The following LRRC69 variants were observed in gnomAD, a reference collection of about 807,000 sequenced individuals.
LRRC69 encodes leucine-rich repeat-containing protein 69.
Under a neutral mutation model 37.8 loss-of-function variants are expected in LRRC69, and 42 were observed. The observed-to-expected ratio is 1.11, with a 90% CI of 0.87 to 1.44. The LOEUF (loss-of-function observed/expected upper bound fraction) is 1.44. LRRC69 is among the 40% of genes most tolerant of loss of function. LRRC69 has a pLI of 0.00. For missense variants in LRRC69, 357 were observed against 401.9 expected (o/e 0.89, Z 0.96); for synonymous variants, 141 against 143.1 (o/e 0.99, Z 0.11).
chr8:91,195,148 G>A (rs1221452247), intron 6 of LRRC69, among the ~76,000 whole-genome samples: 1 of 152,138 alleles, frequency 6.6e-6, no homozygotes, highest in African/African-American at 2.4e-5. Flanking sequence ...ATGTAGTTGA[G>A]CGGTTTTGAG....
At chr8:91,114,604 A>C (rs1459706743) in intron 1 of LRRC69, among the ~76,000 whole-genome samples, 1 of 152,064 alleles carries the variant, frequency 6.6e-6, no homozygotes, top group African/African-American at 2.4e-5. Context: ...TGATACACAA[A>C]TACTTACCAT....
At chr8:91,126,216 G>C (rs1563597090) in intron 2 of LRRC69, among the ~76,000 whole-genome samples, 1 of 152,028 alleles carries the variant, frequency 6.6e-6, no homozygotes, top group Non-Finnish European at 1.5e-5. Flanking sequence ...ATCAGGGCTG[G>C]AGTTGGGTCC....
chr8:91,176,669 T>C (rs930421979), intron 5 of LRRC69, among the ~76,000 whole-genome samples: 1 of 152,220 alleles, frequency 6.6e-6, no homozygotes, highest in Non-Finnish European at 1.5e-5. Flanking sequence ...GGAGAGCTGA[T>C]GGCATAAGCC....
At chr8:91,195,040 T>G (rs1486242548) in intron 6 of LRRC69, among the ~76,000 whole-genome samples, 1 of 152,258 alleles carries the variant, frequency 6.6e-6, no homozygotes, top group Non-Finnish European at 1.5e-5. Flanking sequence ...TCTGGTATGT[T>G]GTGTCTTTGT....
Position 91,182,926 on chromosome 8 carries a change from G to A in LRRC69, c.652-6596G>A, listed in dbSNP as rs1220547152. Among the ~76,000 whole-genome samples the A allele has an allele frequency of 2.6e-5, 4 of 152,210 alleles. No individual in the cohort carries two copies. In the East Asian group the frequency reaches 7.7e-4, roughly 29 times the overall value. ...ATAGACAACAGGAGCCTGACTAAGT[G>A]AGTAAACTAGGGAAGGCTTCCTGGA... On this transcript the variant is annotated intron_variant, in intron 5 of 7. Transcript: ENST00000448384.
chr8:91,106,962 A>AG (rs1371290236), intron 1 of LRRC69, among the ~76,000 whole-genome samples: 1 of 147,502 alleles, frequency 6.8e-6, no homozygotes, highest in Non-Finnish European at 1.5e-5. Context: ...CTGGCTAATT[A>AG]AAAAAATTTT....
intron 5 of LRRC69, chr8:91,139,189 A>G (rs1224774879): frequency 6.6e-6 from 1 of 151,764 alleles, no homozygotes; most frequent in African/African-American, 2.4e-5. Context: ...AAATTTTGTA[A>G]GTTGTACAAC....
chr8:91,147,941 T>C (rs1808652863), intron 5 of LRRC69, among the ~76,000 whole-genome samples: 1 of 151,696 alleles, frequency 6.6e-6, no homozygotes, highest in African/African-American at 2.4e-5. Context: ...CTCCCACATA[T>C]GAGTGAGAAC....
chr8:91,126,242 A>G (rs2130504960), intron 2 of LRRC69, among the ~76,000 whole-genome samples: 1 of 152,122 alleles, frequency 6.6e-6, no homozygotes, highest in South Asian at 2.1e-4. Flanking sequence ...TAAGCTTGTC[A>G]TATTTTCTCT....
At position 91,155,116 on chromosome 8, in the gene LRRC69, C is replaced by T. The variant is rs140783758; in HGVS notation, c.651+19377C>T. On this transcript the variant is annotated intron_variant, in intron 5 of 7. Coordinates refer to ENST00000448384, the Ensembl canonical transcript of LRRC69. ...GAGAGCCAAATCATGAATGAACTTC[C>T]ATTCACAATTGCTACAAAGAGATTA... 5.4e-3 allele frequency among the ~76,000 whole-genome samples: 819 copies of T among 151,494 alleles called. 12 individuals are homozygous for T. Among genetic ancestry groups the T allele is most frequent in the African/African-American group, 0.019 (794 of 41,416 alleles).
At chr8:91,150,091 G>A (rs372345264) in intron 5 of LRRC69, among the ~76,000 whole-genome samples, 16 of 151,972 alleles carry the variant, frequency 1.1e-4, no homozygotes, top group South Asian at 2.1e-4. Context: ...TCTCCTGCCT[G>A]ATTGCCCTGG....
chr8:91,211,739 G>A (rs1809929534), intron 7 of LRRC69, among the ~76,000 whole-genome samples: 1 of 151,420 alleles, frequency 6.6e-6, no homozygotes, highest in Non-Finnish European at 1.5e-5. Context: ...ACTTTATCAG[G>A]AAGGGAGAAC....
At chr8:91,192,881 T>C (rs1809525264) in intron 6 of LRRC69, among the ~76,000 whole-genome samples, 1 of 151,872 alleles carries the variant, frequency 6.6e-6, no homozygotes, top group African/African-American at 2.4e-5. Context: ...TTGGCTTTTG[T>C]TGCCATTGCT....
intron 5 of LRRC69, among the ~76,000 whole-genome samples, chr8:91,172,059 A>G (rs1276558248): frequency 6.6e-6 from 1 of 151,936 alleles, no homozygotes; most frequent in African/African-American, 2.4e-5. Flanking sequence ...TATCTTTTAC[A>G]TTTTATTGTA....
At chr8:91,188,721 C>G (rs1429837861) in intron 5 of LRRC69, among the ~76,000 whole-genome samples, 1 of 152,080 alleles carries the variant, frequency 6.6e-6, no homozygotes, top group African/African-American at 2.4e-5. Context: ...CTTTTCTCTT[C>G]TTATTCTCTT....
chr8:91,108,809 C>G (rs1465648605), intron 1 of LRRC69, among the ~76,000 whole-genome samples: 1 of 151,908 alleles, frequency 6.6e-6, no homozygotes, highest in Non-Finnish European at 1.5e-5. Flanking sequence ...AATTCTTCTT[C>G]CAATGTGGCC....
exon 5 of LRRC69, chr8:91,135,668 G>C: frequency 6.9e-7 from 1 of 1,452,660 alleles, no homozygotes; most frequent in Non-Finnish European, 9.1e-7. Context: ...TCTGACACAG[G>C]AACTTTGTGA....
chr8:91,143,934 A>G (rs1808573131), intron 5 of LRRC69, among the ~76,000 whole-genome samples: 1 of 151,920 alleles, frequency 6.6e-6, no homozygotes, highest in Non-Finnish European at 1.5e-5. Flanking sequence ...AGGTAACTCC[A>G]TTACTCTATG....
intron 5 of LRRC69, among the ~76,000 whole-genome samples, chr8:91,152,936 T>C (rs961766729): frequency 5.3e-5 from 8 of 151,222 alleles, no homozygotes; most frequent in African/African-American, 1.9e-4. Flanking sequence ...ACTGACAAAT[T>C]GGATAAAGTG....
Sources: allele counts gnomAD v4.1 joint callset (sites outside exome capture counted in the v4.1 genomes callset), GRCh38; gene constraint gnomAD v4.1.1; transcripts MANE v1.5; gene names NCBI Gene and HGNC (gene_info 2026-07-23, HGNC 2026-07-21).